LHFPL3: variants seen among roughly 807,000 people sequenced by gnomAD.
LHFPL3 encodes the protein LHFPL tetraspan subfamily member 3, also known as LHFPL tetraspan subfamily member 3 protein.
In LHFPL3, 5 loss-of-function variants were observed where a neutral mutation model predicts 19.3. The observed-to-expected ratio is 0.26, with a 90% CI of 0.14 to 0.54. The LOEUF (loss-of-function observed/expected upper bound fraction) is 0.54, where lower values mean the gene tolerates loss of function less well. Among genes scored for constraint, LHFPL3 ranks in the 20% least tolerant of loss-of-function variants. LHFPL3 has a pLI of 0.94. For missense variants in LHFPL3, 249 were observed against 307.4 expected, an observed-to-expected ratio of 0.81 and a Z score of 1.42; for synonymous variants, 133 against 126.2, an observed-to-expected ratio of 1.05 and a Z score of -0.36.
At chr7:104,432,785 C>A (rs1792026828) in intron 1 of LHFPL3, among the ~76,000 whole-genome samples, 1 of 152,012 alleles carries the variant, frequency 6.6e-6, no homozygotes, top group South Asian at 2.1e-4. Context: ...CCATATCCCA[C>A]CCCTAATTAA....
intron 2 of LHFPL3, among the ~76,000 whole-genome samples, chr7:104,756,100 G>A (rs1353554872): frequency 6.6e-5 from 10 of 152,192 alleles, no homozygotes; most frequent in South Asian, 2.1e-4. Flanking sequence ...CCTTAAGGAA[G>A]TAGACAGCTG....
intron 1 of LHFPL3, among the ~76,000 whole-genome samples, chr7:104,702,119 T>C (rs745975024): frequency 3.3e-5 from 5 of 151,764 alleles, no homozygotes; most frequent in Non-Finnish European, 7.4e-5. Flanking sequence ...GGTGAGAACA[T>C]GCAGAGTTTG....
At chr7:104,380,848 A>AAAC (rs898768610) in intron 1 of LHFPL3, among the ~76,000 whole-genome samples, 1 of 152,194 alleles carries the variant, frequency 6.6e-6, no homozygotes, top group African/African-American at 2.4e-5. Context: ...AAATTAATAA[A>AAAC]AACAACAACA....
At chr7:104,587,388 C>T (rs1426993942) in intron 1 of LHFPL3, among the ~76,000 whole-genome samples, 10 of 152,110 alleles carry the variant, frequency 6.6e-5, no homozygotes, top group Admixed American at 1.3e-4. Context: ...TCTGTCCCTG[C>T]GATAGTTTGC....
chr7:104,417,240 C>G (rs1332213629), intron 1 of LHFPL3, among the ~76,000 whole-genome samples: 2 of 152,136 alleles, frequency 1.3e-5, no homozygotes, highest in Non-Finnish European at 2.9e-5. Context: ...ATGAGCATGT[C>G]TCATGTCTCA....
chr7:104,797,625 C>A (rs1790158225), intron 2 of LHFPL3, among the ~76,000 whole-genome samples: 1 of 151,506 alleles, frequency 6.6e-6, no homozygotes, highest in African/African-American at 2.4e-5. Context: ...AAACTATAGA[C>A]AACATAGGCT....
At chr7:104,885,588 C>T (rs1230560622) in intron 2 of LHFPL3, among the ~76,000 whole-genome samples, 1 of 152,112 alleles carries the variant, frequency 6.6e-6, no homozygotes, top group Non-Finnish European at 1.5e-5. Flanking sequence ...GCCTTAAAAA[C>T]GCATCTTAAA....
chr7:104,478,845 G>A (rs1304856710), intron 1 of LHFPL3, among the ~76,000 whole-genome samples: 1 of 152,204 alleles, frequency 6.6e-6, no homozygotes, highest in Non-Finnish European at 1.5e-5. Flanking sequence ...ATGTCATGTG[G>A]ACACAGTGAG....
intron 2 of LHFPL3, among the ~76,000 whole-genome samples, chr7:104,850,244 G>A (rs1791392115): frequency 6.6e-6 from 1 of 152,128 alleles, no homozygotes; most frequent in Admixed American, 6.5e-5. Context: ...AGAGGTTGCG[G>A]TGAGCCGAGA....
At chr7:104,592,897 C>G (rs908494276) in intron 1 of LHFPL3, among the ~76,000 whole-genome samples, 9 of 152,170 alleles carry the variant, frequency 5.9e-5, no homozygotes, top group African/African-American at 1.4e-4. Context: ...TTAGGACCCT[C>G]TGAGCCAGTC....
chr7:104,606,355 A>G (rs1368918393), intron 1 of LHFPL3, among the ~76,000 whole-genome samples: 1 of 152,232 alleles, frequency 6.6e-6, no homozygotes, highest in African/African-American at 2.4e-5. Context: ...GTTTTTCTGC[A>G]AATTCATCAT....
chr7:104,360,874 G>C (rs950163927), intron 1 of LHFPL3, among the ~76,000 whole-genome samples: 1 of 152,170 alleles, frequency 6.6e-6, no homozygotes, highest in Non-Finnish European at 1.5e-5. Context: ...CTAAGCCAGG[G>C]ATGGGCAAAC....
At chr7:104,476,658 C>T (rs1024805726) in intron 1 of LHFPL3, among the ~76,000 whole-genome samples, 22 of 152,158 alleles carry the variant, frequency 1.4e-4, no homozygotes, top group African/African-American at 5.1e-4. Context: ...CGGTGTTTCT[C>T]CATGTTGGTC....
intron 2 of LHFPL3, among the ~76,000 whole-genome samples, chr7:104,820,988 C>T (rs777447557): frequency 1.4e-4 from 22 of 152,106 alleles, no homozygotes; most frequent in Non-Finnish European, 2.1e-4. Context: ...TGCGTTTCCC[C>T]TCCCCCTAGG....
chr7:104,541,821 G>C (rs553392427), intron 1 of LHFPL3, among the ~76,000 whole-genome samples: 11 of 152,038 alleles, frequency 7.2e-5, no homozygotes, highest in Admixed American at 5.2e-4. Flanking sequence ...GAAACCCTAG[G>C]AATTAATGGG....
intron 1 of LHFPL3, chr7:104,667,908 A>G (rs1407008634): frequency 3.7e-6 from 6 of 1,612,748 alleles, no homozygotes; most frequent in South Asian, 1.1e-5. Context: ...TGTTTCTACA[A>G]CTTGGCACAG....
chr7:104,592,125 G>A (rs113400205), intron 1 of LHFPL3, among the ~76,000 whole-genome samples: 592 of 152,174 alleles, frequency 3.9e-3, no homozygotes, highest in African/African-American at 0.014. Flanking sequence ...CTCTCAACTC[G>A]TCAAAGTCAT....
At chr7:104,747,230 C>T (rs1314269498) in intron 2 of LHFPL3, among the ~76,000 whole-genome samples, 1 of 152,230 alleles carries the variant, frequency 6.6e-6, no homozygotes, top group Non-Finnish European at 1.5e-5. Context: ...AAAGAAAGCC[C>T]TTATTCCCCT....
rs1397213159 is a variant in LHFPL3, at chr7:104,399,896, G to A, written c.445+70672G>A. On this transcript the variant is annotated intron_variant, in intron 1 of 2. Coordinates refer to ENST00000424859, the MANE Select transcript of LHFPL3 (RefSeq NM_199000.3). This position sits in a 1 kb window ranked among gnomAD's most constrained non-coding sequence, Gnocchi z 4.4. ...CGAGGCAGGTGGATCACGTGAGGTCGAGTTTGAGACCAGCCTGGCCAACAT... is the reference window on the plus strand; with the variant it reads ...CGAGGCAGGTGGATCACGTGAGGTCAAGTTTGAGACCAGCCTGGCCAACAT... 6.6e-6 allele frequency among the ~76,000 whole-genome samples: 1 copy of A among 150,968 alleles called. No individual in the cohort carries two copies. Among genetic ancestry groups the A allele is most frequent in the African/African-American group, 2.4e-5 (1 of 41,194 alleles).
Sources: gnomAD v4.1 joint callset for allele counts (sites outside exome capture counted in the v4.1 genomes callset) on GRCh38, gnomAD v4.1.1 for gene constraint, Gnocchi (gnomAD v3.1) non-coding constraint, MANE v1.5 for transcripts, NCBI Gene and HGNC (gene_info 2026-07-23, HGNC 2026-07-21) for gene names.